The following NACC2 variants were observed in gnomAD, a reference collection of about 807,000 sequenced individuals.
NACC2 encodes the protein nucleus accumbens-associated protein 2.
Under a neutral mutation model 25.1 loss-of-function variants are expected in NACC2, and 8 were observed. The observed-to-expected ratio is 0.32, with a 90% CI of 0.19 to 0.57. The LOEUF (loss-of-function observed/expected upper bound fraction) is 0.57, where lower values mean the gene tolerates loss of function less well. Among genes scored for constraint, NACC2 ranks in the 20% least tolerant of loss-of-function variants. The pLI, the probability that NACC2 is intolerant of heterozygous loss-of-function variation, is 0.89. For synonymous variants in NACC2, 435 were observed against 294.7 expected, an observed-to-expected ratio of 1.48 and a Z score of -4.88; for missense variants, 644 against 650.2, an observed-to-expected ratio of 0.99 and a Z score of 0.10.
chr9:136,049,712 C>G lies in NACC2; in HGVS notation c.810G>C (p.Glu270Asp), dbSNP rs1409499854. The change falls in exon 2 of 6, where the codon GAG (glutamate) becomes GAC (aspartate). Residue 270 changes from glutamate to aspartate, a missense_variant. By Grantham distance (45) the Glu-to-Asp change is conservative (BLOSUM62 2). Transcript: ENST00000277554. Reference sequence around the variant, plus strand: ...CCATGGTGTCGTAGGCCTCGTCGTCCTCCTCGTCCTCCTCGTTGTGGTACG... The same window carrying G: ...CCATGGTGTCGTAGGCCTCGTCGTCGTCCTCGTCCTCCTCGTTGTGGTACG... ...PTSYHNEEDE[E>D]DDEAYDTMVE... 10 of 779,282 alleles carry G rather than the reference C, an allele frequency of 1.3e-5. No individual in the cohort carries two copies. Among genetic ancestry groups the G allele is most frequent in the East Asian group, 1.2e-4 (5 of 41,160 alleles). The allele number at this position is 779,282 out of a possible 1,614,324, so 48.3% of individuals were successfully genotyped here.
At chr9:136,093,090 G>A (rs1830449993) in intron 1 of NACC2, among the ~76,000 whole-genome samples, 2 of 152,176 alleles carry the variant, frequency 1.3e-5, no homozygotes, top group African/African-American at 4.8e-5. Flanking sequence ...CTCAGAGGAA[G>A]GGGCACAAGG....
intron 1 of NACC2, among the ~76,000 whole-genome samples, chr9:136,094,059 C>A (rs1267317875): frequency 6.6e-6 from 1 of 152,186 alleles, no homozygotes; most frequent in Non-Finnish European, 1.5e-5. Flanking sequence ...CACCAAGGTG[C>A]ACGCGCTCCC....
At chr9:136,023,988 A>G (rs1840335953) in intron 2 of NACC2, among the ~76,000 whole-genome samples, 1 of 152,232 alleles carries the variant, frequency 6.6e-6, no homozygotes, top group Non-Finnish European at 1.5e-5. Flanking sequence ...TGCGTCAGAC[A>G]TGGAGGAAGC....
chr9:136,021,583 C>T (rs1840294890), intron 2 of NACC2, among the ~76,000 whole-genome samples: 1 of 152,172 alleles, frequency 6.6e-6, no homozygotes, highest in Non-Finnish European at 1.5e-5. Flanking sequence ...CACTTATGAC[C>T]CAGCAATTAT....
At chr9:136,035,384 C>A (rs1840536374) in intron 2 of NACC2, among the ~76,000 whole-genome samples, 1 of 151,724 alleles carries the variant, frequency 6.6e-6, no homozygotes, top group African/African-American at 2.4e-5. Flanking sequence ...CACAACCTGA[C>A]CCCAGTCCTG....
At chr9:136,017,590 G>T (rs1379843293) in intron 2 of NACC2, among the ~76,000 whole-genome samples, 2 of 151,970 alleles carry the variant, frequency 1.3e-5, no homozygotes, top group Non-Finnish European at 2.9e-5. Flanking sequence ...AGCCCAGCAG[G>T]GTTCCAGGGT....
chr9:136,058,771 A>G (rs11103293), intron 1 of NACC2, among the ~76,000 whole-genome samples: 111,646 of 152,202 alleles, frequency 0.73, 41,686 homozygotes, highest in Non-Finnish European at 0.81. Context: ...ACACAGCACC[A>G]GAGATTCGGA....
At chr9:136,033,537 C>T (rs2131149195) in intron 2 of NACC2, among the ~76,000 whole-genome samples, 1 of 150,676 alleles carries the variant, frequency 6.6e-6, no homozygotes, top group Admixed American at 6.7e-5. Flanking sequence ...GTAATCCCAG[C>T]TACTCGGGAG....
intron 1 of NACC2, among the ~76,000 whole-genome samples, chr9:136,060,417 C>T (rs916950433): frequency 2.6e-5 from 4 of 152,026 alleles, no homozygotes; most frequent in African/African-American, 9.7e-5. Context: ...ATACAAACAC[C>T]CAACTTCTAC....
chr9:136,034,429 G>A (rs1445113557), intron 2 of NACC2, among the ~76,000 whole-genome samples: 1 of 152,180 alleles, frequency 6.6e-6, no homozygotes, highest in African/African-American at 2.4e-5. Context: ...AGTGTTGATT[G>A]CTTTGGAGAG....
chr9:136,054,124 A>C (rs1300208674), intron 1 of NACC2, among the ~76,000 whole-genome samples: 2 of 152,198 alleles, frequency 1.3e-5, no homozygotes, highest in East Asian at 3.9e-4. Context: ...ACACACAGAA[A>C]GCCGGTGATG....
chr9:136,079,098 C>T (rs560380154), intron 1 of NACC2, among the ~76,000 whole-genome samples: 13 of 151,582 alleles, frequency 8.6e-5, no homozygotes, highest in East Asian at 1.9e-4. Context: ...TAGTTTAGGG[C>T]ACGTAACCTG....
intron 2 of NACC2, among the ~76,000 whole-genome samples, chr9:136,032,941 TCTGGAG>T (rs1364487591): frequency 3.3e-5 from 5 of 151,592 alleles, no homozygotes; most frequent in Non-Finnish European, 7.4e-5. Flanking sequence ...TCACTAGAAC[TCTGGAG>T]GCAGAGGTTG....
chr9:136,042,975 T>C (rs1304727927), intron 2 of NACC2, among the ~76,000 whole-genome samples: 2 of 113,708 alleles, frequency 1.8e-5, no homozygotes, highest in Admixed American at 8.7e-5. Context: ...GACACACACA[T>C]AGACGCAGAC....
At chr9:136,083,751 T>C (rs1201687794) in intron 1 of NACC2, among the ~76,000 whole-genome samples, 1 of 152,190 alleles carries the variant, frequency 6.6e-6, no homozygotes, top group Non-Finnish European at 1.5e-5. Context: ...ATTCCTGCTG[T>C]TTCAGGCCTC....
chr9:136,014,111 C>G, intron 3 of NACC2, 142 bp from the exon 4 acceptor site: 1 of 633,920 alleles, frequency 1.6e-6, no homozygotes, highest in Non-Finnish European at 2.7e-6. Flanking sequence ...TGGGGAGGAG[C>G]AATTTGAGGT....
intron 1 of NACC2, among the ~76,000 whole-genome samples, chr9:136,087,227 G>T (rs1830388242): frequency 6.6e-6 from 1 of 152,212 alleles, no homozygotes; most frequent in African/African-American, 2.4e-5. Context: ...CCCTGAAGAT[G>T]CACAGAGTGT....
chr9:136,047,154 TGGCGAG>T (rs1840742358), intron 2 of NACC2, among the ~76,000 whole-genome samples: 1 of 152,116 alleles, frequency 6.6e-6, no homozygotes, highest in Non-Finnish European at 1.5e-5. Flanking sequence ...CTGCACGGCC[TGGCGAG>T]GGCAGCAGCC....
At chr9:136,083,989 T>C (rs1238882568) in intron 1 of NACC2, among the ~76,000 whole-genome samples, 1 of 151,986 alleles carries the variant, frequency 6.6e-6, no homozygotes, top group East Asian at 1.9e-4. Context: ...CATCACTGGG[T>C]GGGGAGACCC....
Sources: allele counts gnomAD v4.1 joint callset (sites outside exome capture counted in the v4.1 genomes callset), GRCh38; gene constraint gnomAD v4.1.1; transcripts MANE v1.5; gene names NCBI Gene and HGNC (gene_info 2026-07-23, HGNC 2026-07-21).